Variants in SUSD4 observed in about 807,000 individuals in gnomAD.
The protein encoded by SUSD4 is sushi domain containing 4, also known as sushi domain-containing protein 4.
SUSD4 carries 41 observed loss-of-function variants against 50.5 expected under a neutral mutation model. The ratio of observed to expected loss-of-function variants is 0.81; its 90% CI spans 0.63 to 1.05. The LOEUF is 1.05. SUSD4 is among the 50% of genes least tolerant of loss of function. The pLI is 0.00. For synonymous variants in SUSD4, 257 were observed against 257.3 expected (o/e 1.00, Z 0.01); for missense variants, 580 against 634.7 (o/e 0.91, Z 0.93).
chr1:223,294,133 T>C (rs1428678375), intron 2 of SUSD4, among the ~76,000 whole-genome samples: 3 of 152,150 alleles, frequency 2.0e-5, no homozygotes, highest in South Asian at 2.1e-4. Context: ...ACAAAATCAA[T>C]AGACAAATCC....
At chr1:223,272,055 C>T (rs112941560) in intron 3 of SUSD4, among the ~76,000 whole-genome samples, 6,883 of 152,156 alleles carry the variant, frequency 0.045, 449 homozygotes, top group African/African-American at 0.14. Context: ...GGTGAAACCC[C>T]GTCTCTACTA....
rs187557168 is a variant in SUSD4 at position 223,328,029 on chromosome 1, T to C, written c.148+35249A>G. Among the ~76,000 whole-genome samples the C allele has an allele frequency of 9.2e-4, 140 of 152,032 alleles. 1 individual carries two copies. The highest frequency in any genetic ancestry group is 3.3e-3 in the African/African-American group (137 of 41,466). On this transcript the variant is annotated intron_variant, in intron 2 of 8. Coordinates refer to ENST00000366878, the MANE Select transcript of SUSD4 (RefSeq NM_017982.4). ...TCCACAAAGGCAACCTTTTCTTCCA[T>C]ACTCAAGAGTGGAGAAAGAGCACTA...
chr1:223,338,722 G>C (rs1558263612), intron 2 of SUSD4, among the ~76,000 whole-genome samples: 1 of 152,246 alleles, frequency 6.6e-6, no homozygotes, highest in Non-Finnish European at 1.5e-5. Flanking sequence ...TGCAGCTGCA[G>C]GGTGGCTCCA....
chr1:223,307,535 T>C (rs1665615292), intron 2 of SUSD4, among the ~76,000 whole-genome samples: 1 of 152,210 alleles, frequency 6.6e-6, no homozygotes, highest in Admixed American at 6.5e-5. Context: ...ACATAGCTCA[T>C]TTGTAAACTA....
chr1:223,279,872 A>T (rs1302319539), intron 3 of SUSD4, among the ~76,000 whole-genome samples: 4 of 152,260 alleles, frequency 2.6e-5, no homozygotes, highest in Non-Finnish European at 5.9e-5. Flanking sequence ...GAAACCCATC[A>T]GACTAACAGC....
chr1:223,324,228 T>C (rs139482774), intron 2 of SUSD4, among the ~76,000 whole-genome samples: 39 of 149,458 alleles, frequency 2.6e-4, no homozygotes, highest in Admixed American at 1.0e-3. Flanking sequence ...CAGGAAGCAA[T>C]GACAAGTGAC....
At chr1:223,320,339 G>T (rs754687684) in intron 2 of SUSD4, among the ~76,000 whole-genome samples, 21 of 152,204 alleles carry the variant, frequency 1.4e-4, no homozygotes, top group Admixed American at 2.6e-4. Context: ...AGGTGGGTAT[G>T]GGGTGGTCCT....
chr1:223,223,222 G>A (rs1659247016), intron 8 of SUSD4, 27 bp downstream of exon 8: 15 of 1,513,032 alleles, frequency 9.9e-6, no homozygotes, highest in Non-Finnish European at 1.1e-5. Flanking sequence ...TTGCAGGTGT[G>A]GCTTGGGCCC....
In SUSD4 at chr1:223,264,655, GC is replaced by G; in HGVS notation, c.698del (p.Ser233ThrfsTer17). ...ECLQNLIWSSSPPRCLALEVC... is the reference protein window; with the variant it reads ...ECLQNLIWSSXPPRCLALEVC... ...CTTCCAGAGCAAGGCACCGGGGTGG[GC>G]TGGACGACCAGATAAGGTTTTGTAA... On this transcript the variant is annotated frameshift_variant, in exon 5 of 9. Transcript: ENST00000366878. LOFTEE classifies it high-confidence loss of function. The G allele has an allele frequency of 6.2e-7, 1 of 1,614,174 alleles. No individual in the cohort carries two copies.
intron 2 of SUSD4, among the ~76,000 whole-genome samples, chr1:223,354,009 C>A (rs1041208469): frequency 1.3e-5 from 2 of 148,902 alleles, no homozygotes; most frequent in East Asian, 3.9e-4. Context: ...CCAGCCTGGG[C>A]AACAAGAGTG....
intron 2 of SUSD4, among the ~76,000 whole-genome samples, chr1:223,322,439 A>G (rs1666626732): frequency 6.6e-6 from 1 of 152,240 alleles, no homozygotes; most frequent in South Asian, 2.1e-4. Context: ...GGTACACAGG[A>G]AAGACCTAAC....
rs771985599 is a variant in SUSD4 at position 223,223,330 on chromosome 1, G to T, written c.1363C>A (p.Pro455Thr). 1.2e-6 allele frequency: 2 copies of T among 1,610,340 alleles called. No homozygotes were observed. Among genetic ancestry groups the T allele is most frequent in the Admixed American group, 3.4e-5 (2 of 59,666 alleles). Residue 455 changes from proline (P) to threonine (T), a missense_variant, in exon 8 of 9, where the codon CCT becomes ACT. By Grantham distance (38) the Pro-to-Thr change is conservative. Coordinates refer to ENST00000366878, the MANE Select transcript of SUSD4 (RefSeq NM_017982.4). Reference sequence around the variant, plus strand: ...ATTATGTCAGGGTTGTCCGAAGCAGGGTGGGTGCTCTCTTGGCACCTGGGA... The same window carrying T: ...ATTATGTCAGGGTTGTCCGAAGCAGTGTGGGTGCTCTCTTGGCACCTGGGA... ...SPPRCQESTH[P>T]ASDNPDIIAS...
chr1:223,290,396 A>G (rs970016569), intron 3 of SUSD4, among the ~76,000 whole-genome samples: 1 of 152,196 alleles, frequency 6.6e-6, no homozygotes, highest in Admixed American at 6.5e-5. Flanking sequence ...GGCAACACAA[A>G]CAATCTCTTT....
chr1:223,224,554 C>T (rs1558159902), intron 7 of SUSD4, among the ~76,000 whole-genome samples: 2 of 152,214 alleles, frequency 1.3e-5, no homozygotes, highest in African/African-American at 2.4e-5. Context: ...GTTCAAGCTA[C>T]GCAGGCTCAC....
chr1:223,348,661 G>A (rs532501654), intron 2 of SUSD4, among the ~76,000 whole-genome samples: 1 of 152,124 alleles, frequency 6.6e-6, no homozygotes, highest in Non-Finnish European at 1.5e-5. Context: ...TTCTCTTTAG[G>A]CCTCCCCGGT....
chr1:223,360,192 A>G (rs1668893450), intron 2 of SUSD4: 1 of 470,704 alleles, frequency 2.1e-6, no homozygotes, highest in Admixed American at 2.4e-5. Context: ...GAAATGTGCT[A>G]AAGAATTCAC....
intron 2 of SUSD4, among the ~76,000 whole-genome samples, chr1:223,343,565 A>G (rs974938359): frequency 1.3e-5 from 2 of 152,356 alleles, no homozygotes; most frequent in South Asian, 4.1e-4. Context: ...ATTGTTAAGT[A>G]ATACAAGTAG....
intron 2 of SUSD4, among the ~76,000 whole-genome samples, chr1:223,313,450 G>C (rs1274367513): frequency 1.3e-5 from 2 of 152,136 alleles, no homozygotes; most frequent in Admixed American, 1.3e-4. Flanking sequence ...TGTCTTCTTT[G>C]GGATGGTTCT....
At chr1:223,350,536 T>C (rs957791476) in intron 2 of SUSD4, among the ~76,000 whole-genome samples, 2 of 152,174 alleles carry the variant, frequency 1.3e-5, no homozygotes, top group Non-Finnish European at 2.9e-5. Context: ...TCCCTGCCCA[T>C]CACTGCAGCT....
Sources: gnomAD v4.1 joint callset for allele counts (sites outside exome capture counted in the v4.1 genomes callset) on GRCh38, gnomAD v4.1.1 for gene constraint, MANE v1.5 for transcripts, NCBI Gene and HGNC (gene_info 2026-07-23, HGNC 2026-07-21) for gene names.